Variants in COL24A1 observed in about 807,000 individuals in gnomAD.
COL24A1 encodes the protein collagen alpha-1(XXIV) chain.
A neutral mutation model predicts 253.9 loss-of-function variants in COL24A1; 224 were observed. The ratio of observed to expected loss-of-function variants is 0.88; its 90% CI spans 0.79 to 0.99. COL24A1 has a LOEUF of 0.99. COL24A1 is among the 50% of genes least tolerant of loss of function. The probability of loss-of-function intolerance (pLI) is 0.00; values close to 1 mark genes in which losing one functional copy is unlikely to be tolerated. For synonymous variants in COL24A1, 685 were observed against 673.7 expected (o/e 1.02, Z -0.26); for missense variants, 2,131 against 2,068.5 (o/e 1.03, Z -0.59).
At chr1:86,148,028 T>C (rs1652149517) in intron 1 of COL24A1, among the ~76,000 whole-genome samples, 1 of 152,170 alleles carries the variant, frequency 6.6e-6, no homozygotes, top group Non-Finnish European at 1.5e-5. Context: ...AACAAGTTCC[T>C]GGGTGTACTG....
At chr1:86,025,301 T>A (rs1220885975) in intron 14 of COL24A1, among the ~76,000 whole-genome samples, 1 of 152,204 alleles carries the variant, frequency 6.6e-6, no homozygotes, top group Non-Finnish European at 1.5e-5. Context: ...GGATATGGCA[T>A]CAGAGACAGA....
chr1:86,104,647 A>T (rs2102071587), intron 5 of COL24A1, among the ~76,000 whole-genome samples: 1 of 152,362 alleles, frequency 6.6e-6, no homozygotes. Flanking sequence ...TTAAGTGGCC[A>T]AGGCTCAACT....
chr1:85,904,901 G>A (rs1684661474), intron 28 of COL24A1, among the ~76,000 whole-genome samples: 1 of 152,162 alleles, frequency 6.6e-6, no homozygotes, highest in Non-Finnish European at 1.5e-5. Context: ...AATAGTGTTT[G>A]ACAGGTTGCA....
chr1:85,756,082 G>T (rs1477975950), intron 55 of COL24A1, among the ~76,000 whole-genome samples: 6 of 100,530 alleles, frequency 6.0e-5, no homozygotes, highest in Admixed American at 3.9e-4. Context: ...AAAAAAAAAG[G>T]CAACCCAATT....
intron 45 of COL24A1, among the ~76,000 whole-genome samples, chr1:85,822,596 T>C (rs1399057444): frequency 1.3e-5 from 2 of 152,184 alleles, no homozygotes; most frequent in African/African-American, 4.8e-5. Context: ...AAAAAACAAC[T>C]TTCAAACCAA....
intron 7 of COL24A1, among the ~76,000 whole-genome samples, chr1:86,071,940 C>A (rs1701905978): frequency 6.6e-6 from 1 of 152,134 alleles, no homozygotes; most frequent in African/African-American, 2.4e-5. Context: ...CAAGGGAAGC[C>A]ATGAGGGACT....
intron 19 of COL24A1, among the ~76,000 whole-genome samples, chr1:86,003,987 A>C (rs1695691620): frequency 6.6e-6 from 1 of 152,228 alleles, no homozygotes; most frequent in South Asian, 2.1e-4. Context: ...CCAGATTGGC[A>C]TGAGTATCAA....
intron 37 of COL24A1, among the ~76,000 whole-genome samples, chr1:85,864,090 C>T (rs1679493890): frequency 6.6e-6 from 1 of 152,158 alleles, no homozygotes; most frequent in Admixed American, 6.5e-5. Context: ...GCTATAAAAA[C>T]ACATGCACAC....
intron 19 of COL24A1, among the ~76,000 whole-genome samples, chr1:86,004,999 T>C (rs965571018): frequency 6.6e-6 from 1 of 152,154 alleles, no homozygotes; most frequent in African/African-American, 2.4e-5. Flanking sequence ...ACATACATGC[T>C]CTTCAGCAAT....
At chr1:86,097,488 TCCCTCCTCCTC>T (rs1476170646) in intron 5 of COL24A1, among the ~76,000 whole-genome samples, 1 of 19,194 alleles carries the variant, frequency 5.2e-5, no homozygotes, top group Non-Finnish European at 1.1e-4. Context: ...CTCCTCCTCC[TCCCTCCTCCTC>T]CCTTCTCCTC....
chr1:86,053,403 T>C lies in COL24A1; in HGVS notation c.1852-3226A>G, dbSNP rs533567301. ...TTAAATAGAATAATGTTATAAGTAA[T>C]TGCTTAGGTGTTTCATAGAGGTTTC... On this transcript the variant is annotated intron_variant, in intron 10 of 59. Coordinates refer to ENST00000370571, the MANE Select transcript of COL24A1 (RefSeq NM_152890.7). Among the ~76,000 whole-genome samples, 3 of 152,176 alleles carry C rather than the reference T, an allele frequency of 2.0e-5. No individual in the cohort carries two copies. The East Asian group carries it at 5.8e-4, about 29-fold the overall frequency.
Position 85,734,773 on chromosome 1 carries a change from A to G in COL24A1, c.4974T>C (p.Pro1658=), listed in dbSNP as rs1009858159. The change falls in exon 59 of 60, where the codon CCT becomes CCC. Residue 1658 remains proline (P), a synonymous_variant. Transcript: ENST00000370571. ...QIFKVNTLLE[P]KVLSDDCKIQ... is the part of the protein sequence containing the mutation. ...CCTTGCAGTCATCTGAAAGCACTTT[A>G]GGTTCAAGTAGAGTGTTTACTTTAA... 65 of 1,614,108 alleles carry G rather than the reference A, an allele frequency of 4.0e-5. No homozygotes were observed. The highest frequency in any genetic ancestry group is 5.3e-5 in the African/African-American group (4 of 74,938).
chr1:86,001,135 T>G (rs915837727), intron 19 of COL24A1, among the ~76,000 whole-genome samples: 2 of 152,206 alleles, frequency 1.3e-5, no homozygotes, highest in Non-Finnish European at 2.9e-5. Context: ...TGCACTGATC[T>G]TTTCACTTCA....
intron 52 of COL24A1, among the ~76,000 whole-genome samples, chr1:85,778,999 CT>C (rs1449637669): frequency 6.6e-6 from 1 of 151,614 alleles, no homozygotes; most frequent in Non-Finnish European, 1.5e-5. Flanking sequence ...TCCAATTTTT[CT>C]TTCTTCTTTT....
intron 19 of COL24A1, among the ~76,000 whole-genome samples, chr1:86,009,881 C>T (rs541789345): frequency 6.6e-6 from 1 of 152,176 alleles, no homozygotes; most frequent in African/African-American, 2.4e-5. Context: ...ATATGAGGCC[C>T]ATCGTTGACC....
chr1:86,063,368 T>TGTGTGC, intron 8 of COL24A1, among the ~76,000 whole-genome samples: 1 of 151,828 alleles, frequency 6.6e-6, no homozygotes, highest in African/African-American at 2.4e-5. Context: ...TCTGTGTGTG[T>TGTGTGC]GTGTGTGTGT....
intron 2 of COL24A1, among the ~76,000 whole-genome samples, chr1:86,135,806 AT>A (rs58515739): frequency 0.14 from 20,540 of 151,952 alleles, 1,548 homozygotes; most frequent in East Asian, 0.29. Flanking sequence ...TAACAGCAAC[AT>A]TTTTTTGTGT....
chr1:86,104,348 C>G (rs1204024531), intron 5 of COL24A1, among the ~76,000 whole-genome samples: 1 of 152,066 alleles, frequency 6.6e-6, no homozygotes, highest in African/African-American at 2.4e-5. Flanking sequence ...GATCTTTGTT[C>G]CTGTTCATAT....
At chr1:86,064,684 G>A (rs1248166099) in intron 7 of COL24A1, among the ~76,000 whole-genome samples, 2 of 152,044 alleles carry the variant, frequency 1.3e-5, no homozygotes, top group Admixed American at 6.5e-5. Flanking sequence ...CAAATTTCCT[G>A]GGTTTCAGAA....
Sources: allele counts gnomAD v4.1 joint callset (sites outside exome capture counted in the v4.1 genomes callset), GRCh38; gene constraint gnomAD v4.1.1; transcripts MANE v1.5; gene names NCBI Gene and HGNC (gene_info 2026-07-23, HGNC 2026-07-21).